The following FIG4 variants were observed in gnomAD, a reference collection of about 807,000 sequenced individuals.
FIG4 encodes FIG4 phosphoinositide 5-phosphatase, also known as polyphosphoinositide phosphatase.
A neutral mutation model predicts 118.6 loss-of-function variants in FIG4; 112 were observed. The observed-to-expected ratio is 0.94, with a 90% CI of 0.81 to 1.11. FIG4 has a LOEUF of 1.11. FIG4 is among the 50% of genes least tolerant of loss of function. The probability of loss-of-function intolerance (pLI) is 0.00; values close to 1 mark genes in which losing one functional copy is unlikely to be tolerated. For missense variants in FIG4, 969 were observed against 1,111.7 expected, an observed-to-expected ratio of 0.87 and a Z score of 1.83; for synonymous variants, 369 against 381.2, an observed-to-expected ratio of 0.97 and a Z score of 0.37.
intron 10 of FIG4, among the ~76,000 whole-genome samples, chr6:109,757,569 C>G (rs1776957372): frequency 6.6e-6 from 1 of 152,188 alleles, no homozygotes; most frequent in African/African-American, 2.4e-5. Context: ...AGGATGCCCT[C>G]TCTCACCACT....
chr6:109,767,827 G>A (rs145336789), intron 15 of FIG4, among the ~76,000 whole-genome samples: 7 of 152,038 alleles, frequency 4.6e-5, no homozygotes, highest in South Asian at 2.1e-4. Context: ...AGCCGAGATC[G>A]CGCCACTGCA....
At chr6:109,769,982 G>A (rs1264306765) in intron 15 of FIG4, among the ~76,000 whole-genome samples, 2 of 152,150 alleles carry the variant, frequency 1.3e-5, no homozygotes, top group African/African-American at 4.8e-5. Flanking sequence ...TTTACCCTTG[G>A]TTTATGTGGA....
chr6:109,815,815 A>G (rs181683980), intron 22 of FIG4, among the ~76,000 whole-genome samples: 46 of 152,160 alleles, frequency 3.0e-4, no homozygotes, highest in African/African-American at 1.0e-3. Context: ...AAAAAAAACA[A>G]TAAAAACAGG....
At chr6:109,709,109 A>G (rs1775180014) in intron 1 of FIG4, among the ~76,000 whole-genome samples, 1 of 152,092 alleles carries the variant, frequency 6.6e-6, no homozygotes, top group African/African-American at 2.4e-5. Flanking sequence ...TACATTTAAG[A>G]CATTAATCCA....
intron 1 of FIG4, among the ~76,000 whole-genome samples, chr6:109,692,210 C>T (rs905487214): frequency 2.6e-5 from 4 of 152,126 alleles, no homozygotes; most frequent in African/African-American, 7.2e-5. Context: ...CATACTTGGT[C>T]CTTTCTGTGG....
intron 20 of FIG4, among the ~76,000 whole-genome samples, chr6:109,792,277 C>T (rs1451970023): frequency 6.6e-6 from 1 of 152,152 alleles, no homozygotes; most frequent in Non-Finnish European, 1.5e-5. Flanking sequence ...ACAGCATAAC[C>T]CAAAAAAGTT....
At chr6:109,763,676 A>G (rs1276783037) in intron 12 of FIG4, among the ~76,000 whole-genome samples, 3 of 152,206 alleles carry the variant, frequency 2.0e-5, no homozygotes, top group Non-Finnish European at 4.4e-5. Context: ...AGCATGGGTA[A>G]CAAAATGCCA....
rs1453796473 is a variant in FIG4, at chr6:109,760,279, T to A, written c.1167T>A (p.Ile389=). The A allele has an allele frequency of 6.2e-7, 1 of 1,613,704 alleles. No homozygotes were observed. Among genetic ancestry groups the A allele is most frequent in the East Asian group, 2.2e-5 (1 of 44,870 alleles). Residue 389 remains isoleucine (I), a synonymous_variant, in exon 11 of 23, where the codon ATT becomes ATA. Transcript: ENST00000230124. ...GAGAGAAAAGAAAGCATGAAAGAATTCTGAGTGAAGAACTTGTTGCTGCTG... is the reference window on the plus strand; with the variant it reads ...GAGAGAAAAGAAAGCATGAAAGAATACTGAGTGAAGAACTTGTTGCTGCTG... ...KEREKRKHER[I]LSEELVAAVT... is the part of the protein sequence containing the mutation.
At chr6:109,751,374 T>C (rs1776690227) in intron 10 of FIG4, among the ~76,000 whole-genome samples, 1 of 152,218 alleles carries the variant, frequency 6.6e-6, no homozygotes, top group Non-Finnish European at 1.5e-5. Context: ...CCTGAAATTT[T>C]CTTTTTTTGT....
At chr6:109,778,195 T>C (rs1003285848) in intron 16 of FIG4, among the ~76,000 whole-genome samples, 1 of 151,940 alleles carries the variant, frequency 6.6e-6, no homozygotes, top group Non-Finnish European at 1.5e-5. Flanking sequence ...GCGTGGTGGC[T>C]CATGCCTGTA....
Position 109,739,706 on chromosome 6 carries a change from T to C in FIG4, c.775+1253T>C, listed in dbSNP as rs533808316. On this transcript the variant is annotated intron_variant, in intron 7 of 22. Transcript: ENST00000230124. Reference sequence around the variant, plus strand: ...CACTCAGGCCAGCCCTGGCCCCCCTTGGTACTTGGAACCGAAGTTACAGAT... The same window carrying C: ...CACTCAGGCCAGCCCTGGCCCCCCTCGGTACTTGGAACCGAAGTTACAGAT... 2.6e-5 allele frequency among the ~76,000 whole-genome samples: 4 copies of C among 152,214 alleles called. No individual in the cohort carries two copies. The East Asian group carries it at 7.8e-4, about 30-fold the overall frequency.
chr6:109,778,600 T>C (rs1583720750), intron 16 of FIG4, among the ~76,000 whole-genome samples: 1 of 151,692 alleles, frequency 6.6e-6, no homozygotes. Context: ...TTTTTGTTTG[T>C]TTGTTTGTTT....
intron 3 of FIG4, among the ~76,000 whole-genome samples, chr6:109,718,660 T>C (rs968234472): frequency 1.1e-4 from 17 of 152,146 alleles, no homozygotes; most frequent in African/African-American, 3.9e-4. Flanking sequence ...TCTATGCCTT[T>C]TGCTTAGTCT....
chr6:109,745,898 C>T (rs1305830585), intron 10 of FIG4, among the ~76,000 whole-genome samples: 1 of 152,054 alleles, frequency 6.6e-6, no homozygotes, highest in East Asian at 1.9e-4. Context: ...TTAGAAAAAG[C>T]TACTTTAAAT....
intron 3 of FIG4, among the ~76,000 whole-genome samples, chr6:109,721,630 A>G (rs906992905): frequency 4.6e-5 from 7 of 152,184 alleles, no homozygotes; most frequent in African/African-American, 1.7e-4. Context: ...TGGGGTCAGA[A>G]GTACATAGAA....
chr6:109,803,405 T>G (rs1447582445), intron 22 of FIG4, among the ~76,000 whole-genome samples: 1 of 152,072 alleles, frequency 6.6e-6, no homozygotes, highest in Admixed American at 6.6e-5. Flanking sequence ...AGGCCAGGGG[T>G]TTTATAGCTT....
chr6:109,781,882 C>T (rs962402707), intron 16 of FIG4, among the ~76,000 whole-genome samples: 1 of 151,298 alleles, frequency 6.6e-6, no homozygotes, highest in African/African-American at 2.4e-5. Flanking sequence ...CAGACAACTC[C>T]TTCCACATAA....
Position 109,817,022 on chromosome 6 carries a change from G to A in FIG4, c.2547-8066G>A, listed in dbSNP as rs1048518656. 4.6e-5 allele frequency among the ~76,000 whole-genome samples: 7 copies of A among 152,216 alleles called. No homozygotes were observed. In the East Asian group the frequency reaches 9.6e-4, roughly 21 times the overall value. On this transcript the variant is annotated intron_variant, in intron 22 of 22. Transcript: ENST00000230124. ...GGACTGATTGCTCCAAAAGGTCGCC[G>A]TATAAATGTCTGATGGATGACCAGT...
intron 10 of FIG4, among the ~76,000 whole-genome samples, chr6:109,755,799 C>G (rs1776873207): frequency 6.6e-6 from 1 of 152,172 alleles, no homozygotes; most frequent in South Asian, 2.1e-4. Flanking sequence ...GTAGATCTTC[C>G]TCCATCCTTT....
Sources: allele counts gnomAD v4.1 joint callset (sites outside exome capture counted in the v4.1 genomes callset), GRCh38; gene constraint gnomAD v4.1.1; transcripts MANE v1.5; gene names NCBI Gene and HGNC (gene_info 2026-07-23, HGNC 2026-07-21).